The following CHST9 variants were observed in gnomAD, a reference collection of about 807,000 sequenced individuals.
The protein encoded by CHST9 is GalNAc-4-sulfotransferase 2.
A neutral mutation model predicts 44.4 loss-of-function variants in CHST9; 41 were observed. The ratio of observed to expected loss-of-function variants is 0.92; its 90% confidence interval spans 0.72 to 1.20. The LOEUF is 1.20. Ranked by LOEUF, CHST9 falls within the 50% of genes most tolerant of loss-of-function variation. The probability of loss-of-function intolerance (pLI) is 0.00; values close to 1 mark genes in which losing one functional copy is unlikely to be tolerated. For synonymous variants in CHST9, 171 were observed against 178.4 expected, an observed-to-expected ratio of 0.96 and a Z score of 0.33; for missense variants, 504 against 516.5, an observed-to-expected ratio of 0.98 and a Z score of 0.23.
chr18:27,158,449 G>T (rs369535666), intron 1 of CHST9, among the ~76,000 whole-genome samples: 1 of 151,056 alleles, frequency 6.6e-6, no homozygotes, highest in Non-Finnish European at 1.5e-5. Context: ...ATTTTTTATG[G>T]CTGCATAGTA....
At position 26,942,453 on chromosome 18, in the gene CHST9, A is replaced by G. The variant is rs562972490; in HGVS notation, c.240+1876T>C. On this transcript the variant is annotated intron_variant, in intron 5 of 5. Coordinates refer to ENST00000618847, the MANE Select transcript of CHST9 (RefSeq NM_031422.6). Reference sequence around the variant, plus strand: ...CACTCTCTTATTGAGACTGAAAACCATTATAATTTTATATGGCATCAGATC... The same window carrying G: ...CACTCTCTTATTGAGACTGAAAACCGTTATAATTTTATATGGCATCAGATC... Among the ~76,000 whole-genome samples the G allele has an allele frequency of 2.0e-5, 3 of 152,312 alleles. No homozygotes were observed. The East Asian group carries it at 5.8e-4, about 29-fold the overall frequency.
chr18:27,022,644 T>G (rs2057239423), intron 4 of CHST9, among the ~76,000 whole-genome samples: 1 of 152,224 alleles, frequency 6.6e-6, no homozygotes, highest in South Asian at 2.1e-4. Context: ...GATGTCTCCA[T>G]GCTTTTGCTT....
intron 2 of CHST9, among the ~76,000 whole-genome samples, chr18:27,050,960 A>C (rs1346820499): frequency 6.6e-6 from 1 of 152,228 alleles, no homozygotes; most frequent in Non-Finnish European, 1.5e-5. Context: ...TATTTGAGAT[A>C]AATAATATGG....
chr18:27,053,615 A>C (rs1036671792), intron 2 of CHST9, among the ~76,000 whole-genome samples: 1 of 152,056 alleles, frequency 6.6e-6, no homozygotes, highest in Non-Finnish European at 1.5e-5. Flanking sequence ...TTTTTCTGTC[A>C]TTGTAATCCA....
At chr18:27,019,854 T>A (rs997524331) in intron 4 of CHST9, among the ~76,000 whole-genome samples, 1 of 152,092 alleles carries the variant, frequency 6.6e-6, no homozygotes. Context: ...CTGTGAGATA[T>A]GTAAAGGATA....
At chr18:27,037,861 A>G (rs1469647905) in intron 3 of CHST9, among the ~76,000 whole-genome samples, 3 of 151,834 alleles carry the variant, frequency 2.0e-5, no homozygotes, top group African/African-American at 7.3e-5. Context: ...AATTTTTACA[A>G]GCTCTCAAGG....
chr18:27,129,123 G>GCA (rs2058450465), intron 2 of CHST9, among the ~76,000 whole-genome samples: 1 of 151,444 alleles, frequency 6.6e-6, no homozygotes, highest in African/African-American at 2.5e-5. Context: ...TGTTGGATTA[G>GCA]CACACACACA....
At chr18:27,144,970 C>A (rs555497481) in intron 1 of CHST9, among the ~76,000 whole-genome samples, 2 of 151,690 alleles carry the variant, frequency 1.3e-5, no homozygotes, top group Non-Finnish European at 2.9e-5. Flanking sequence ...GGCAACACAG[C>A]AAGATCGTGT....
At chr18:26,942,039 G>A (rs375588615) in intron 5 of CHST9, among the ~76,000 whole-genome samples, 1 of 151,034 alleles carries the variant, frequency 6.6e-6, no homozygotes. Context: ...TTAGCGGCAA[G>A]ATTAATGCTC....
At chr18:27,014,379 G>A (rs2057121334) in intron 4 of CHST9, among the ~76,000 whole-genome samples, 1 of 142,168 alleles carries the variant, frequency 7.0e-6, no homozygotes, top group Non-Finnish European at 1.5e-5. Context: ...GCGTGAACCC[G>A]GGAGGCGGAG....
rs1015691043 is a variant in CHST9 at position 26,962,809 on chromosome 18, C to T, written c.203-18443G>A. ...CCAAGGCCGCTTCAGGCAGTATCTC[C>T]GCAGGTGTCTGGTATAAATGGGGAG... is the stretch of plus-strand genomic sequence containing the variant. On this transcript the variant is annotated intron_variant, in intron 4 of 5. Transcript: ENST00000618847. Among the ~76,000 whole-genome samples, 4 of 152,142 alleles carry T rather than the reference C, an allele frequency of 2.6e-5. No homozygotes were observed. The East Asian group carries it at 5.8e-4, about 22-fold the overall frequency.
chr18:27,029,843 G>A (rs2057322286), intron 3 of CHST9, among the ~76,000 whole-genome samples: 1 of 152,078 alleles, frequency 6.6e-6, no homozygotes, highest in Admixed American at 6.5e-5. Flanking sequence ...CATACATGAA[G>A]GGCTGATTGT....
intron 4 of CHST9, among the ~76,000 whole-genome samples, chr18:26,971,470 C>T (rs1785550): frequency 0.35 from 53,039 of 152,098 alleles, 9,827 homozygotes; most frequent in East Asian, 0.47. Context: ...GGTTGTGTTG[C>T]AATAACAAAC....
intron 3 of CHST9, among the ~76,000 whole-genome samples, chr18:27,037,454 C>T (rs1286461109): frequency 2.0e-5 from 3 of 152,148 alleles, no homozygotes; most frequent in African/African-American, 7.2e-5. Flanking sequence ...CTTTCGGAGG[C>T]CAAGGCAGGA....
intron 2 of CHST9, among the ~76,000 whole-genome samples, chr18:27,111,498 C>T (rs72884335): frequency 0.068 from 10,305 of 152,276 alleles, 444 homozygotes; most frequent in East Asian, 0.14. Flanking sequence ...TGGGGGAGCA[C>T]TTCCTTGCTT....
chr18:27,024,545 A>T (rs1392767439), intron 3 of CHST9, among the ~76,000 whole-genome samples: 1 of 152,208 alleles, frequency 6.6e-6, no homozygotes, highest in Non-Finnish European at 1.5e-5. Flanking sequence ...ATATACAATA[A>T]TATTTTCATT....
At chr18:26,995,277 A>AC (rs1371618562) in intron 4 of CHST9, among the ~76,000 whole-genome samples, 4 of 151,338 alleles carry the variant, frequency 2.6e-5, no homozygotes, top group African/African-American at 7.3e-5. Context: ...AAAAAAAAAA[A>AC]AATGCAAAAA....
chr18:27,115,165 A>C (rs1016858615), intron 2 of CHST9, among the ~76,000 whole-genome samples: 1 of 152,140 alleles, frequency 6.6e-6, no homozygotes, highest in Admixed American at 6.6e-5. Context: ...CTGTGAGTCA[A>C]TTAAACCTCT....
chr18:26,951,876 A>G (rs1388696624), intron 4 of CHST9, among the ~76,000 whole-genome samples: 1 of 152,150 alleles, frequency 6.6e-6, no homozygotes, highest in Non-Finnish European at 1.5e-5. Flanking sequence ...TCACCTCTAG[A>G]CTAGGTTGCT....
Sources: gnomAD v4.1 joint callset for allele counts (sites outside exome capture counted in the v4.1 genomes callset) on GRCh38, gnomAD v4.1.1 for gene constraint, MANE v1.5 for transcripts, NCBI Gene and HGNC (gene_info 2026-07-23, HGNC 2026-07-21) for gene names.